Variants in FAM184B observed in about 807,000 individuals in gnomAD.
The protein encoded by FAM184B is family with sequence similarity 184 member B, also known as protein FAM184B.
A neutral mutation model predicts 135.9 loss-of-function variants in FAM184B; 111 were observed. The ratio of observed to expected loss-of-function variants is 0.82; its 90% CI spans 0.70 to 0.96. FAM184B has a LOEUF of 0.96. FAM184B is among the 40% of genes least tolerant of loss of function. The pLI is 0.00. For missense variants in FAM184B, 1,375 were observed against 1,323.9 expected (o/e 1.04, Z -0.60); for synonymous variants, 552 against 524.8 (o/e 1.05, Z -0.71).
chr4:17,736,901 T>A (rs1207543235), intron 1 of FAM184B, among the ~76,000 whole-genome samples: 3 of 152,130 alleles, frequency 2.0e-5, no homozygotes, highest in Non-Finnish European at 2.9e-5. Context: ...TCCCAGCATT[T>A]TGGGAGGCCG....
intron 1 of FAM184B, among the ~76,000 whole-genome samples, chr4:17,713,105 G>C (rs1172881177): frequency 6.6e-6 from 1 of 152,244 alleles, no homozygotes; most frequent in Non-Finnish European, 1.5e-5. Context: ...AACTCCAGGA[G>C]AGAGAAGCTT....
chr4:17,772,288 C>T (rs1718834939), intron 1 of FAM184B, among the ~76,000 whole-genome samples: 1 of 152,114 alleles, frequency 6.6e-6, no homozygotes, highest in South Asian at 2.1e-4. Context: ...TCCACTACAT[C>T]TCCCAATCCT....
chr4:17,761,893 T>C (rs942691785), intron 1 of FAM184B, among the ~76,000 whole-genome samples: 1 of 152,130 alleles, frequency 6.6e-6, no homozygotes, highest in Non-Finnish European at 1.5e-5. Context: ...GTCAATACTC[T>C]CCCTCTCTTA....
intron 1 of FAM184B, among the ~76,000 whole-genome samples, chr4:17,714,105 A>T (rs1045462756): frequency 3.3e-5 from 5 of 152,156 alleles, no homozygotes; most frequent in Non-Finnish European, 5.9e-5. Context: ...GCTCGACAGC[A>T]CTTGGTATAC....
At chr4:17,641,977 C>T (rs1715330075) in intron 13 of FAM184B, 79 bp downstream of exon 13, 7 of 1,453,978 alleles carry the variant, frequency 4.8e-6, no homozygotes, top group Non-Finnish European at 6.3e-6. Context: ...TCAGGCTCAG[C>T]CAGCCGCAGT....
chr4:17,748,475 C>T (rs1577288311), intron 1 of FAM184B, among the ~76,000 whole-genome samples: 1 of 145,038 alleles, frequency 6.9e-6, no homozygotes, highest in African/African-American at 2.6e-5. Context: ...TGACACATGA[C>T]TTTGTCCCTT....
At chr4:17,744,719 C>G (rs1381993559) in intron 1 of FAM184B, among the ~76,000 whole-genome samples, 2 of 122,524 alleles carry the variant, frequency 1.6e-5, no homozygotes, top group South Asian at 5.4e-4. Context: ...GACTCCATCT[C>G]AAAAAAAAAA....
At chr4:17,644,100 G>A (rs1316491622) in intron 12 of FAM184B, among the ~76,000 whole-genome samples, 1 of 152,192 alleles carries the variant, frequency 6.6e-6, no homozygotes, top group Admixed American at 6.5e-5. Context: ...CAAAGGGAGG[G>A]TGCAGATGCC....
chr4:17,659,819 C>A lies in FAM184B; in HGVS notation c.1824+139G>T, dbSNP rs546554514. On this transcript the variant is annotated intron_variant, in intron 9 of 17. Transcript: ENST00000265018. The stretch of plus-strand genomic sequence containing the variant: ...TTTGGAATGAATGAATAAATAAAAC[C>A]AAGAATCCCACTTTGCCCTGGTCCT... The A allele has an allele frequency of 3.4e-6, 4 of 1,184,644 alleles. No individual in the cohort carries two copies. The South Asian group carries it at 4.9e-5, about 15-fold the overall frequency. 73.4% of individuals were successfully genotyped at this position (1,184,644 alleles called of 1,614,324 possible). A position where few individuals can be genotyped will look rare whatever the true frequency, so the allele number is the denominator to read the frequency against.
At chr4:17,760,852 G>A (rs887672442) in intron 1 of FAM184B, among the ~76,000 whole-genome samples, 1 of 152,128 alleles carries the variant, frequency 6.6e-6, no homozygotes, top group African/African-American at 2.4e-5. Context: ...AAGGCACTTC[G>A]GGATTTTCAG....
Position 17,705,105 on chromosome 4 carries a change from G to A in FAM184B, c.1272C>T (p.Leu424=). 1.3e-6 allele frequency: 2 copies of A among 1,551,742 alleles called. No individual in the cohort carries two copies. Among genetic ancestry groups the A allele is most frequent in the African/African-American group, 1.4e-5 (1 of 73,170 alleles). ...KHQTEEEKKH[L]KDQLVKRLED... is the part of the protein sequence containing the mutation. ...CTAGTCGCTTCACTAGCTGGTCTTTGAGATGTTTCTTCTCCTCTTCTGTCT... is the reference window on the plus strand; with the variant it reads ...CTAGTCGCTTCACTAGCTGGTCTTTAAGATGTTTCTTCTCCTCTTCTGTCT... Residue 424 remains leucine, a synonymous_variant, in exon 5 of 18, where the codon CTC becomes CTT. Transcript: ENST00000265018.
chr4:17,693,158 A>G, intron 6 of FAM184B, 144 bp downstream of exon 6: 1 of 601,284 alleles, frequency 1.7e-6, no homozygotes, highest in Non-Finnish European at 2.9e-6. Context: ...TGTTACTTGC[A>G]GCTAAATGCA....
intron 5 of FAM184B, among the ~76,000 whole-genome samples, chr4:17,703,046 T>C (rs1717026093): frequency 6.6e-6 from 1 of 152,218 alleles, no homozygotes; most frequent in African/African-American, 2.4e-5. Context: ...ATATATAACA[T>C]CTTTGAGCTT....
At chr4:17,774,438 G>C (rs559073975) in intron 1 of FAM184B, among the ~76,000 whole-genome samples, 7 of 152,212 alleles carry the variant, frequency 4.6e-5, no homozygotes, top group Non-Finnish European at 8.8e-5. Flanking sequence ...CAAAAACTCA[G>C]AGAGGTGGAC....
At chr4:17,732,099 G>A (rs1323280301) in intron 1 of FAM184B, among the ~76,000 whole-genome samples, 6 of 152,180 alleles carry the variant, frequency 3.9e-5, no homozygotes, top group South Asian at 2.1e-4. Flanking sequence ...GGTACATAAC[G>A]AAATGAAGGC....
At chr4:17,671,854 A>G (rs1427191726) in intron 7 of FAM184B, among the ~76,000 whole-genome samples, 5 of 151,844 alleles carry the variant, frequency 3.3e-5, no homozygotes, top group Non-Finnish European at 7.4e-5. Context: ...CTGAAATGAA[A>G]ATTCACTAGA....
At chr4:17,704,499 C>G (rs1717061794) in intron 5 of FAM184B, among the ~76,000 whole-genome samples, 1 of 152,210 alleles carries the variant, frequency 6.6e-6, no homozygotes, top group African/African-American at 2.4e-5. Context: ...CTTGCAGCTA[C>G]TCTACAAGGT....
intron 6 of FAM184B, among the ~76,000 whole-genome samples, chr4:17,691,100 T>C (rs1716721605): frequency 6.6e-6 from 1 of 152,066 alleles, no homozygotes; most frequent in South Asian, 2.1e-4. Flanking sequence ...CCCTTAGTCA[T>C]CAAAGAGGCA....
At chr4:17,739,384 G>A (rs1310612874) in intron 1 of FAM184B, among the ~76,000 whole-genome samples, 10 of 151,864 alleles carry the variant, frequency 6.6e-5, no homozygotes, top group Admixed American at 2.0e-4. Flanking sequence ...GAAAACTTCC[G>A]CTTGTGACAC....
Sources: gnomAD v4.1 joint callset for allele counts (sites outside exome capture counted in the v4.1 genomes callset) on GRCh38, gnomAD v4.1.1 for gene constraint, MANE v1.5 for transcripts, NCBI Gene and HGNC (gene_info 2026-07-23, HGNC 2026-07-21) for gene names.